Variants in TRAPPC12 observed in about 807,000 individuals in gnomAD.
TRAPPC12 encodes TPR repeat protein 15.
Under a neutral mutation model 69.2 loss-of-function variants are expected in TRAPPC12, and 61 were observed. That is an observed-to-expected ratio of 0.88 (90% CI 0.72 to 1.09). TRAPPC12 has a LOEUF of 1.09. TRAPPC12 is among the 50% of genes least tolerant of loss of function. The probability of loss-of-function intolerance (pLI) is 0.00; values close to 1 mark genes in which losing one functional copy is unlikely to be tolerated. For synonymous variants in TRAPPC12, 469 were observed against 438.9 expected, an observed-to-expected ratio of 1.07 and a Z score of -0.86; for missense variants, 1,101 against 1,016.4, an observed-to-expected ratio of 1.08 and a Z score of -1.13.
intron 3 of TRAPPC12, among the ~76,000 whole-genome samples, chr2:3,411,622 T>C (rs1409568129): frequency 6.6e-6 from 1 of 152,280 alleles, no homozygotes; most frequent in Admixed American, 6.5e-5. Context: ...CATATGCTTC[T>C]ATCAATTTGT....
At chr2:3,424,714 T>A in intron 5 of TRAPPC12, 51 bp downstream of exon 5, 14 of 1,511,632 alleles carry the variant, frequency 9.3e-6, no homozygotes, top group Non-Finnish European at 1.2e-5. Context: ...GTCGCTCTGG[T>A]TTGCTTTGAT....
In TRAPPC12 at chr2:3,390,538, A is replaced by C. The variant is rs535659170; in HGVS notation, c.1047+1868A>C. On this transcript the variant is annotated intron_variant, in intron 2 of 11. Coordinates refer to ENST00000324266, the MANE Select transcript of TRAPPC12 (RefSeq NM_016030.6). The stretch of plus-strand genomic sequence containing the variant: ...TACATTTGACTCACCTCATCTTTGC[A>C]ATGGAATATTTATGTAAGTTTTTAA... Among the ~76,000 whole-genome samples the C allele has an allele frequency of 3.9e-5, 6 of 152,344 alleles. No individual in the cohort carries two copies. The East Asian group carries it at 1.2e-3, about 29-fold the overall frequency.
intron 1 of TRAPPC12, among the ~76,000 whole-genome samples, chr2:3,383,500 G>A (rs1175327354): frequency 6.7e-6 from 1 of 148,248 alleles, no homozygotes; most frequent in Admixed American, 6.8e-5. Flanking sequence ...CTGGGTTCAA[G>A]CGATTCTCCT....
At chr2:3,473,532 T>C (rs1029268896) in intron 9 of TRAPPC12, among the ~76,000 whole-genome samples, 2 of 152,204 alleles carry the variant, frequency 1.3e-5, no homozygotes, top group African/African-American at 2.4e-5. Flanking sequence ...CACACTGGAG[T>C]GCAGAGGCGC....
chr2:3,459,488 G>A (rs1243623877), intron 7 of TRAPPC12, among the ~76,000 whole-genome samples: 1 of 152,194 alleles, frequency 6.6e-6, no homozygotes, highest in African/African-American at 2.4e-5. Context: ...CAGCTCCCAG[G>A]GGACCTTTGC....
intron 4 of TRAPPC12, among the ~76,000 whole-genome samples, chr2:3,423,170 G>A (rs1662908911): frequency 1.3e-5 from 2 of 152,218 alleles, no homozygotes; most frequent in South Asian, 2.1e-4. Context: ...GGTCTGAAAC[G>A]GAGCTAGTCA....
chr2:3,421,775 G>A, intron 3 of TRAPPC12, 106 bp from the exon 4 acceptor site: 1 of 1,044,024 alleles, frequency 9.6e-7, no homozygotes, highest in Non-Finnish European at 1.5e-6. Context: ...GGCTGGCGCT[G>A]CTTCCAGCAA....
chr2:3,395,471 G>A (rs903969779), intron 2 of TRAPPC12, among the ~76,000 whole-genome samples: 1 of 150,216 alleles, frequency 6.7e-6, no homozygotes, highest in South Asian at 2.1e-4. Flanking sequence ...AATTTCTTAG[G>A]TGTCTTTTGA....
At chr2:3,439,283 T>C (rs1452904161) in intron 5 of TRAPPC12, among the ~76,000 whole-genome samples, 1 of 152,214 alleles carries the variant, frequency 6.6e-6, no homozygotes, top group Non-Finnish European at 1.5e-5. Flanking sequence ...ATTTATTAAT[T>C]GGGTTGTTTT....
chr2:3,455,761 C>T (rs1665115879), intron 6 of TRAPPC12: 1 of 152,248 alleles, frequency 6.6e-6, no homozygotes, highest in South Asian at 2.1e-4. Context: ...CTGATGGACA[C>T]TTAGGTTGCT....
chr2:3,419,492 T>G (rs897148395), intron 3 of TRAPPC12, among the ~76,000 whole-genome samples: 4 of 152,234 alleles, frequency 2.6e-5, no homozygotes, highest in Admixed American at 2.6e-4. Flanking sequence ...TATTACTTGC[T>G]GTAGTCTGGA....
At chr2:3,446,024 G>A (rs763073862) in intron 6 of TRAPPC12, among the ~76,000 whole-genome samples, 1 of 152,222 alleles carries the variant, frequency 6.6e-6, no homozygotes, top group Non-Finnish European at 1.5e-5. Flanking sequence ...GGGGAGAAAC[G>A]AGAAGGGTTA....
chr2:3,478,946 A>G lies in TRAPPC12; in HGVS notation c.1965+13A>G, dbSNP rs1217737179. The G allele has an allele frequency of 3.7e-6, 6 of 1,612,134 alleles. No individual in the cohort carries two copies. The highest frequency in any genetic ancestry group is 3.4e-6 in the Non-Finnish European group (4 of 1,178,504). ...AAGAAACGCAGTGGTAAGATCCCCA[A>G]GCTGCAGGATCCTCCATCCTCTGCC... On this transcript the variant is annotated intron_variant, in intron 11 of 11. Coordinates refer to ENST00000324266, the MANE Select transcript of TRAPPC12 (RefSeq NM_016030.6).
chr2:3,475,275 A>G (rs377766254), intron 9 of TRAPPC12, among the ~76,000 whole-genome samples: 2 of 151,646 alleles, frequency 1.3e-5, no homozygotes, highest in Non-Finnish European at 2.9e-5. Context: ...ACACCTGGCT[A>G]ATTTTCTTTT....
intron 9 of TRAPPC12, among the ~76,000 whole-genome samples, chr2:3,471,887 T>A (rs919812263): frequency 6.6e-6 from 1 of 151,982 alleles, no homozygotes; most frequent in Non-Finnish European, 1.5e-5. Flanking sequence ...CAGGTGCAAG[T>A]CCAGCAGCCA....
rs552886686 is a variant in TRAPPC12, at chr2:3,422,550, G to C, written c.1278+556G>C. 3.3e-5 allele frequency among the ~76,000 whole-genome samples: 5 copies of C among 152,314 alleles called. No individual in the cohort carries two copies. The East Asian group carries it at 7.7e-4, about 24-fold the overall frequency. ...CCTTTCCCTGGGGAGTTTTTTAACT[G>C]TTCTTCTAGCTTACATGGGAATCCC... On this transcript the variant is annotated intron_variant, in intron 4 of 11. Coordinates refer to ENST00000324266, the MANE Select transcript of TRAPPC12 (RefSeq NM_016030.6).
At chr2:3,477,086 G>A (rs974035197) in intron 9 of TRAPPC12, among the ~76,000 whole-genome samples, 1 of 152,202 alleles carries the variant, frequency 6.6e-6, no homozygotes, top group Non-Finnish European at 1.5e-5. Context: ...CAGGAGTCAG[G>A]GCTGGGGCAC....
chr2:3,438,947 T>C (rs544667925), intron 5 of TRAPPC12, among the ~76,000 whole-genome samples: 2 of 152,260 alleles, frequency 1.3e-5, no homozygotes, highest in East Asian at 3.9e-4. Context: ...TCAGTTCCAA[T>C]CCTTGGGTAA....
intron 8 of TRAPPC12, among the ~76,000 whole-genome samples, chr2:3,462,367 TA>T (rs554659397): frequency 7.9e-5 from 12 of 152,160 alleles, no homozygotes; most frequent in African/African-American, 1.2e-4. Context: ...TTTCATGAGT[TA>T]AAAAAAGGAG....
Sources: allele counts gnomAD v4.1 joint callset (sites outside exome capture counted in the v4.1 genomes callset), GRCh38; gene constraint gnomAD v4.1.1; transcripts MANE v1.5; gene names NCBI Gene and HGNC (gene_info 2026-07-23, HGNC 2026-07-21).